Variants in PTPRD observed in about 807,000 individuals in gnomAD.
The protein encoded by PTPRD is protein tyrosine phosphatase receptor type D, also known as receptor-type tyrosine-protein phosphatase delta.
PTPRD carries 34 observed loss-of-function variants against 214.5 expected under a neutral mutation model. The ratio of observed to expected loss-of-function variants is 0.16; its 90% CI spans 0.12 to 0.21. PTPRD has a LOEUF of 0.21. Among genes scored for constraint, PTPRD ranks in the 10% least tolerant of loss-of-function variants. PTPRD has a pLI of 1.00. For synonymous variants in PTPRD, 1,128 were observed against 845.7 expected (o/e 1.33, Z -5.79); for missense variants, 2,545 against 2,398.7 (o/e 1.06, Z -1.27).
At position 8,546,800 on chromosome 9, in the gene PTPRD, C is replaced by A. The variant is rs72696629; in HGVS notation, c.353-18021G>T. Among the ~76,000 whole-genome samples, 322 of 152,304 alleles carry A rather than the reference C, an allele frequency of 2.1e-3. 1 individual carries two copies. The highest frequency in any genetic ancestry group is 4.0e-3 in the Non-Finnish European group (270 of 68,024). The stretch of plus-strand genomic sequence containing the variant: ...CCAGGCGTGAGCCACCGCACCTGGC[C>A]ATACTATCATTTTTCTAAAGAACTG... On this transcript the variant is annotated intron_variant, in intron 14 of 45. Coordinates refer to ENST00000381196, the MANE Select transcript of PTPRD (RefSeq NM_002839.4).
chr9:9,049,330 T>C (rs1181472366), intron 10 of PTPRD, among the ~76,000 whole-genome samples: 2 of 152,204 alleles, frequency 1.3e-5, no homozygotes, highest in African/African-American at 4.8e-5. Flanking sequence ...AATCCAAGAA[T>C]AGGTGCTTTA....
chr9:9,000,204 C>T (rs1261182030), intron 11 of PTPRD, among the ~76,000 whole-genome samples: 1 of 152,042 alleles, frequency 6.6e-6, no homozygotes, highest in Admixed American at 6.6e-5. Flanking sequence ...CGTTCTGAAT[C>T]ACTCCAGATG....
At chr9:9,460,298 T>C (rs886543666) in intron 8 of PTPRD, among the ~76,000 whole-genome samples, 3 of 152,020 alleles carry the variant, frequency 2.0e-5, no homozygotes, top group Non-Finnish European at 4.4e-5. Context: ...AATTTATGAC[T>C]AAGACCTCAA....
intron 3 of PTPRD, among the ~76,000 whole-genome samples, chr9:10,108,444 T>A (rs1391675859): frequency 6.7e-6 from 1 of 149,232 alleles, no homozygotes; most frequent in Non-Finnish European, 1.5e-5. Context: ...AAATTTTGTA[T>A]TTTTTTTTAC....
chr9:10,202,742 A>G (rs1459006341), intron 3 of PTPRD, among the ~76,000 whole-genome samples: 2 of 148,130 alleles, frequency 1.4e-5, no homozygotes, highest in Non-Finnish European at 3.0e-5. Context: ...ATGTCAATGT[A>G]TGATGCAGTT....
chr9:9,461,322 G>C (rs970735305), intron 8 of PTPRD, among the ~76,000 whole-genome samples: 4 of 151,834 alleles, frequency 2.6e-5, no homozygotes, highest in Admixed American at 6.6e-5. Flanking sequence ...TCCTGAATCG[G>C]AATTTTAAAT....
At chr9:10,521,076 C>A (rs572917875) in intron 2 of PTPRD, among the ~76,000 whole-genome samples, 4 of 151,826 alleles carry the variant, frequency 2.6e-5, no homozygotes, top group Non-Finnish European at 5.9e-5. Flanking sequence ...GATAGTGATT[C>A]TTCTGATAGA....
chr9:8,671,783 G>A (rs1248631592), intron 12 of PTPRD, among the ~76,000 whole-genome samples: 1 of 152,102 alleles, frequency 6.6e-6, no homozygotes, highest in Non-Finnish European at 1.5e-5. Flanking sequence ...AAAACACGCC[G>A]CGTGCCTTTC....
At chr9:8,337,302 T>G (rs1318551432) in intron 43 of PTPRD, among the ~76,000 whole-genome samples, 3 of 152,114 alleles carry the variant, frequency 2.0e-5, no homozygotes, top group African/African-American at 7.2e-5. Flanking sequence ...GTTCATGTCC[T>G]TTGCAGGGAC....
chr9:10,372,016 T>C (rs775775207), intron 2 of PTPRD, among the ~76,000 whole-genome samples: 9 of 151,882 alleles, frequency 5.9e-5, no homozygotes, highest in Non-Finnish European at 8.8e-5. Context: ...ACATGCACAG[T>C]GGGGAGTAGG....
intron 2 of PTPRD, among the ~76,000 whole-genome samples, chr9:10,506,655 T>C (rs1348884303): frequency 6.6e-6 from 1 of 152,116 alleles, no homozygotes; most frequent in African/African-American, 2.4e-5. Flanking sequence ...TGCTCCAAGA[T>C]CTAATCCAGA....
intron 3 of PTPRD, among the ~76,000 whole-genome samples, chr9:10,078,585 G>A (rs1324800016): frequency 6.7e-6 from 1 of 149,686 alleles, no homozygotes; most frequent in Admixed American, 6.7e-5. Flanking sequence ...ACTCATTGTT[G>A]GCATCATTAA....
intron 7 of PTPRD, among the ~76,000 whole-genome samples, chr9:9,599,919 A>C (rs2093628234): frequency 6.6e-6 from 1 of 152,086 alleles, no homozygotes; most frequent in Non-Finnish European, 1.5e-5. Flanking sequence ...TCAATAGGTG[A>C]AGAAATATGT....
chr9:9,955,673 G>A (rs945424786), intron 4 of PTPRD, among the ~76,000 whole-genome samples: 2 of 151,878 alleles, frequency 1.3e-5, no homozygotes, highest in Non-Finnish European at 2.9e-5. Context: ...ACAGGTGCCC[G>A]CCACCATGCC....
intron 6 of PTPRD, among the ~76,000 whole-genome samples, chr9:9,739,955 CTA>C (rs1315205205): frequency 2.0e-5 from 3 of 151,976 alleles, no homozygotes; most frequent in African/African-American, 4.8e-5. Flanking sequence ...ATATAAATAT[CTA>C]TGTTTTAAAT....
Position 9,403,817 on chromosome 9 carries a change from G to C in PTPRD, c.-236-6335C>G, listed in dbSNP as rs184205704. Reference sequence around the variant, plus strand: ...CATGTTTCCTACTTACATTATTGTGGCATGGAGAGGCAAGAGAAAGACCAT... The same window carrying C: ...CATGTTTCCTACTTACATTATTGTGCCATGGAGAGGCAAGAGAAAGACCAT... On this transcript the variant is annotated intron_variant, in intron 8 of 45. Transcript: ENST00000381196. Among the ~76,000 whole-genome samples, 150 of 152,118 alleles carry C rather than the reference G, an allele frequency of 9.9e-4. 1 individual carries two copies. The highest frequency in any genetic ancestry group is 3.5e-3 in the African/African-American group (144 of 41,510).
At chr9:10,499,925 G>C (rs2043161087) in intron 2 of PTPRD, among the ~76,000 whole-genome samples, 1 of 151,850 alleles carries the variant, frequency 6.6e-6, no homozygotes. Context: ...TTTGCTTTCA[G>C]AAGCAGAGAT....
intron 11 of PTPRD, among the ~76,000 whole-genome samples, chr9:8,786,690 C>T (rs2095992629): frequency 6.6e-6 from 1 of 151,158 alleles, no homozygotes; most frequent in Non-Finnish European, 1.5e-5. Context: ...GCTGGGATTA[C>T]AGGCATGAGC....
intron 2 of PTPRD, among the ~76,000 whole-genome samples, chr9:10,533,072 C>T (rs939826867): frequency 6.6e-6 from 1 of 151,958 alleles, no homozygotes; most frequent in East Asian, 1.9e-4. Context: ...GGATTAGCTA[C>T]GGGGTTATTA....
Sources: allele counts gnomAD v4.1 joint callset (sites outside exome capture counted in the v4.1 genomes callset), GRCh38; gene constraint gnomAD v4.1.1; transcripts MANE v1.5; gene names NCBI Gene and HGNC (gene_info 2026-07-23, HGNC 2026-07-21).